Variants in FRMD4B observed in about 807,000 individuals in gnomAD.
The protein encoded by FRMD4B is FERM domain containing 4B.
Under a neutral mutation model 141.5 loss-of-function variants are expected in FRMD4B, and 74 were observed. The ratio of observed to expected loss-of-function variants is 0.52; its 90% CI spans 0.43 to 0.63. The LOEUF is 0.63. Ranked by LOEUF, FRMD4B falls within the 30% of genes least tolerant of loss-of-function variation. The probability of loss-of-function intolerance (pLI) is 0.00; values close to 1 mark genes in which losing one functional copy is unlikely to be tolerated. For missense variants in FRMD4B, 1,366 were observed against 1,253.4 expected, an observed-to-expected ratio of 1.09 and a Z score of -1.36; for synonymous variants, 506 against 467.9, an observed-to-expected ratio of 1.08 and a Z score of -1.05.
intron 1 of FRMD4B, among the ~76,000 whole-genome samples, chr3:69,475,051 G>A (rs1178284091): frequency 6.6e-6 from 1 of 152,080 alleles, no homozygotes; most frequent in Non-Finnish European, 1.5e-5. Flanking sequence ...ACGTGACCTC[G>A]GGTGTGTGCC....
In FRMD4B at chr3:69,169,741, A is replaced by G. The variant is rs2092566613; in HGVS notation, c.*2120T>C. ...TCAAGGCATGCTTGCAAGTGTAACC[A>G]TACTATTTCAGGAACAGAAAAATGT... On this transcript the variant is annotated 3_prime_UTR_variant, in exon 23 of 23. Coordinates refer to ENST00000398540, the MANE Select transcript of FRMD4B (RefSeq NM_015123.3). Among the ~76,000 whole-genome samples the G allele has an allele frequency of 6.6e-6, 1 of 152,206 alleles. No homozygotes were observed. Among genetic ancestry groups the G allele is most frequent in the Non-Finnish European group, 1.5e-5 (1 of 68,038 alleles).
intron 4 of FRMD4B, among the ~76,000 whole-genome samples, chr3:69,300,636 C>T (rs1701183248): frequency 6.6e-6 from 1 of 152,214 alleles, no homozygotes; most frequent in Non-Finnish European, 1.5e-5. Flanking sequence ...GTTCTGAAGA[C>T]ATAACGCTTT....
Position 69,181,608 on chromosome 3 carries a change from G to A in FRMD4B, c.2142C>T (p.Leu714=). 2 of 1,613,758 alleles carry A rather than the reference G, an allele frequency of 1.2e-6. No individual in the cohort carries two copies. The highest frequency in any genetic ancestry group is 1.7e-6 in the Non-Finnish European group (2 of 1,179,704). The change falls in exon 21 of 23, where the codon CTC becomes CTT. Residue 714 remains leucine, a synonymous_variant. Transcript: ENST00000398540. ...EMDSDKPFFS[L]SKSQRSSSTE... ...TGCTGCTGCTTCTTTGGGATTTGGA[G>A]AGGGAGAAAAATGGCTTATCGCTGT...
intron 1 of FRMD4B, among the ~76,000 whole-genome samples, chr3:69,476,315 T>A (rs941051879): frequency 1.6e-4 from 24 of 152,188 alleles, no homozygotes; most frequent in Admixed American, 1.4e-3. Context: ...TAGGTTTTCT[T>A]CTAGGGTTTT....
intron 1 of FRMD4B, among the ~76,000 whole-genome samples, chr3:69,491,272 C>T (rs1245107225): frequency 6.6e-6 from 1 of 151,998 alleles, no homozygotes; most frequent in African/African-American, 2.4e-5. Context: ...TGAAGCATAG[C>T]TTATTGTGGA....
At chr3:69,464,130 T>C (rs1238739982) in intron 1 of FRMD4B, among the ~76,000 whole-genome samples, 7 of 152,218 alleles carry the variant, frequency 4.6e-5, no homozygotes, top group Admixed American at 4.6e-4. Flanking sequence ...AATTCTGAGG[T>C]TATAGCAGCA....
At chr3:69,196,225 C>T (rs767818232) in intron 14 of FRMD4B, 30 bp downstream of exon 14, 2 of 1,531,164 alleles carry the variant, frequency 1.3e-6, no homozygotes, top group Non-Finnish European at 8.8e-7. Flanking sequence ...ATAAAGATGG[C>T]TTGCACGTTC....
chr3:69,410,726 A>AATATATATATATATAT (rs767608068), intron 2 of FRMD4B, among the ~76,000 whole-genome samples: 1 of 86,310 alleles, frequency 1.2e-5, no homozygotes, highest in Non-Finnish European at 2.4e-5. Context: ...TAAATAAATA[A>AATATATATATATATAT]ATATATATAT....
rs1019869214 is a variant in FRMD4B at position 69,529,197 on chromosome 3, G to A, written c.-129+13009C>T. Among the ~76,000 whole-genome samples, 16 of 152,336 alleles carry A rather than the reference G, an allele frequency of 1.1e-4. No individual in the cohort carries two copies. The South Asian group carries it at 3.3e-3, about 32-fold the overall frequency. On this transcript the variant is annotated intron_variant, in intron 1 of 5. Coordinates refer to the FRMD4B transcript ENST00000459638. The stretch of plus-strand genomic sequence containing the variant: ...GTGCTAGTCCGTTGCTGCCATGTGA[G>A]AATGCAGCCAGTGTTGCTAGAGCTT...
chr3:69,294,104 T>C (rs1700964864), intron 4 of FRMD4B, among the ~76,000 whole-genome samples: 1 of 152,168 alleles, frequency 6.6e-6, no homozygotes, highest in Non-Finnish European at 1.5e-5. Context: ...AGAAGGTGAA[T>C]TGGGCAAGAA....
chr3:69,307,724 G>A (rs965134840), intron 3 of FRMD4B, among the ~76,000 whole-genome samples: 8 of 152,092 alleles, frequency 5.3e-5, no homozygotes, highest in Non-Finnish European at 1.2e-4. Context: ...AACTGAGCTT[G>A]GAGCTTTTCC....
chr3:69,260,465 A>C (rs2093519383), intron 5 of FRMD4B, among the ~76,000 whole-genome samples: 1 of 152,146 alleles, frequency 6.6e-6, no homozygotes, highest in South Asian at 2.1e-4. Flanking sequence ...CTGCTGGCCC[A>C]CCTGCGTCGC....
At chr3:69,182,090 G>A (rs2092714403) in intron 20 of FRMD4B, among the ~76,000 whole-genome samples, 1 of 152,156 alleles carries the variant, frequency 6.6e-6, no homozygotes, top group Non-Finnish European at 1.5e-5. Context: ...TGAAGATATG[G>A]TACATTCGAG....
chr3:69,253,450 A>G (rs1381479585), intron 5 of FRMD4B, among the ~76,000 whole-genome samples: 6 of 152,134 alleles, frequency 3.9e-5, no homozygotes, highest in African/African-American at 1.4e-4. Flanking sequence ...CTGGGACTGT[A>G]TGTTATCAAC....
chr3:69,428,744 A>G (rs778379246), intron 2 of FRMD4B, among the ~76,000 whole-genome samples: 2 of 152,288 alleles, frequency 1.3e-5, no homozygotes, highest in South Asian at 2.1e-4. Context: ...GTTCAGTGGT[A>G]TTAAGTACAT....
chr3:69,510,075 G>A (rs1706665615), intron 1 of FRMD4B, among the ~76,000 whole-genome samples: 1 of 151,922 alleles, frequency 6.6e-6, no homozygotes, highest in African/African-American at 2.4e-5. Context: ...TATCTACAAG[G>A]TATGCTTGTG....
chr3:69,218,286 A>G (rs1338981908), intron 10 of FRMD4B, 36 bp downstream of exon 10: 4 of 1,068,358 alleles, frequency 3.7e-6, no homozygotes, highest in Non-Finnish European at 5.7e-6. Context: ...ATAACTCTCA[A>G]TCATCACGAA....
intron 1 of FRMD4B, among the ~76,000 whole-genome samples, chr3:69,455,009 G>C (rs1415264142): frequency 2.0e-5 from 3 of 152,184 alleles, no homozygotes; most frequent in Admixed American, 2.0e-4. Context: ...TCTAAATCTA[G>C]CTAATCTGGT....
intron 2 of FRMD4B, among the ~76,000 whole-genome samples, chr3:69,400,046 G>A (rs1247075690): frequency 6.6e-6 from 1 of 152,138 alleles, no homozygotes; most frequent in East Asian, 1.9e-4. Flanking sequence ...AGATGGAAAT[G>A]TAAAAGCTAT....
Sources: allele counts gnomAD v4.1 joint callset (sites outside exome capture counted in the v4.1 genomes callset), GRCh38; gene constraint gnomAD v4.1.1; transcripts MANE v1.5; gene names NCBI Gene and HGNC (gene_info 2026-07-23, HGNC 2026-07-21).